The following JAKMIP1 variants were observed in gnomAD, a reference collection of about 807,000 sequenced individuals.
The protein encoded by JAKMIP1 is janus kinase and microtubule-interacting protein 1.
A neutral mutation model predicts 113.0 loss-of-function variants in JAKMIP1; 33 were observed. That is an observed-to-expected ratio of 0.29 (90% CI 0.22 to 0.39). The LOEUF (loss-of-function observed/expected upper bound fraction) is 0.39. Among genes scored for constraint, JAKMIP1 ranks in the 10% least tolerant of loss-of-function variants. The pLI is 1.00. For synonymous variants in JAKMIP1, 480 were observed against 459.9 expected, an observed-to-expected ratio of 1.04 and a Z score of -0.56; for missense variants, 813 against 1,080.5, an observed-to-expected ratio of 0.75 and a Z score of 3.47.
chr4:6,066,476 G>A (rs187704250), intron 8 of JAKMIP1, among the ~76,000 whole-genome samples: 67 of 152,172 alleles, frequency 4.4e-4, no homozygotes, highest in African/African-American at 1.5e-3. Flanking sequence ...TGGGGAATAC[G>A]ACTCTCCCCC....
At chr4:6,132,170 C>G (rs1286612932) in intron 1 of JAKMIP1, among the ~76,000 whole-genome samples, 1 of 152,108 alleles carries the variant, frequency 6.6e-6, no homozygotes, top group Admixed American at 6.6e-5. Flanking sequence ...AGAGACGAAA[C>G]GGGACTCATG....
chr4:6,059,212 G>T lies in JAKMIP1; in HGVS notation c.1644+1212C>A, dbSNP rs994524156. ...GGGCTGGGCACTCACATTCCCCCAC[G>T]CAGTCCATTGGTAAAGTCTGCTGTG... is the stretch of plus-strand genomic sequence containing the variant. On this transcript the variant is annotated intron_variant, in intron 11 of 20. Transcript: ENST00000409021. This position sits in a 1 kb window ranked among gnomAD's most constrained non-coding sequence, Gnocchi z 4.8. Among the ~76,000 whole-genome samples, 1 of 152,138 alleles carries T rather than the reference G, an allele frequency of 6.6e-6. No homozygotes were observed. The highest frequency in any genetic ancestry group is 1.5e-5 in the Non-Finnish European group (1 of 68,040).
At chr4:6,132,683 A>C (rs1718681232) in intron 1 of JAKMIP1, among the ~76,000 whole-genome samples, 1 of 152,086 alleles carries the variant, frequency 6.6e-6, no homozygotes, top group South Asian at 2.1e-4. Context: ...AAGGAGTAGA[A>C]GACAAAAATA....
At position 6,042,520 on chromosome 4, in the gene JAKMIP1, G is replaced by C. The variant is rs1481636497; in HGVS notation, c.2029-293C>G. On this transcript the variant is annotated intron_variant, in intron 16 of 20. Coordinates refer to ENST00000409021, the MANE Select transcript of JAKMIP1 (RefSeq NM_001099433.2). This position sits in a 1 kb window ranked among gnomAD's most constrained non-coding sequence, Gnocchi z 5.2. ...TGGGCGGCTGCGAGTGTGTGCAGCA[G>C]AGGAAGTGGTGTGGTATAGCTGATG... Among the ~76,000 whole-genome samples, 1 of 152,088 alleles carries C rather than the reference G, an allele frequency of 6.6e-6. No homozygotes were observed. The highest frequency in any genetic ancestry group is 2.4e-5 in the African/African-American group (1 of 41,384).
At chr4:6,170,006 C>CCACATTCCCATCACCACCACCACCACCAT (rs112509045) in intron 1 of JAKMIP1, among the ~76,000 whole-genome samples, 2 of 139,024 alleles carry the variant, frequency 1.4e-5, no homozygotes, top group Admixed American at 7.3e-5. Flanking sequence ...ACCACCACCA[C>CCACATTCCCATCACCACCACCACCACCAT]CACCCTCACC....
chr4:6,119,529 A>T (rs1190924017), intron 1 of JAKMIP1, among the ~76,000 whole-genome samples: 2 of 151,744 alleles, frequency 1.3e-5, no homozygotes, highest in Non-Finnish European at 2.9e-5. Flanking sequence ...GGACAACAAG[A>T]GCAAAACTCC....
chr4:6,132,306 C>G (rs1718615525), intron 1 of JAKMIP1, among the ~76,000 whole-genome samples: 1 of 152,092 alleles, frequency 6.6e-6, no homozygotes, highest in African/African-American at 2.4e-5. Context: ...AAAAAGTACA[C>G]TTGATATGTT....
intron 9 of JAKMIP1, among the ~76,000 whole-genome samples, chr4:6,062,868 C>T (rs1006633733): frequency 6.6e-6 from 1 of 152,226 alleles, no homozygotes; most frequent in Non-Finnish European, 1.5e-5. Flanking sequence ...AAGAGATGGC[C>T]GGGCATGGTG....
At chr4:6,056,237 C>T (rs1716433099) in intron 12 of JAKMIP1, among the ~76,000 whole-genome samples, 1 of 151,008 alleles carries the variant, frequency 6.6e-6, no homozygotes, top group Non-Finnish European at 1.5e-5. Context: ...AGAACCTGCC[C>T]TCCCCATTTC....
rs1336747754 is a variant in JAKMIP1, at chr4:6,097,748, G to C, written c.624+7725C>G. On this transcript the variant is annotated intron_variant, in intron 3 of 20. Coordinates refer to ENST00000409021, the MANE Select transcript of JAKMIP1 (RefSeq NM_001099433.2). This position sits in a 1 kb window ranked among gnomAD's most constrained non-coding sequence, Gnocchi z 4.3. ...GAAGCGTTCATTCTCATCATCATTT[G>C]ACAAATGGTGTGAGTCAACCATTCC... Among the ~76,000 whole-genome samples the C allele has an allele frequency of 6.6e-6, 1 of 152,152 alleles. No homozygotes were observed. The highest frequency in any genetic ancestry group is 1.9e-4 in the East Asian group (1 of 5,198).
Position 6,105,935 on chromosome 4 carries a change from C to T in JAKMIP1, c.162G>A (p.Ala54=), listed in dbSNP as rs1260346948. ...VGKLRERLQE[A]KLEREQEQRR... is the part of the protein sequence containing the mutation. ...GCTGCTCCTGCTCGCGCTCCAGCTT[C>T]GCCTCCTGCAGCCGCTCGCGCAGTT... Residue 54 remains alanine (A), a synonymous_variant, in exon 3 of 21, where the codon GCG becomes GCA. Transcript: ENST00000409021. 3 of 1,608,302 alleles carry T rather than the reference C, an allele frequency of 1.9e-6. No homozygotes were observed. Among genetic ancestry groups the T allele is most frequent in the African/African-American group, 2.7e-5 (2 of 74,864 alleles).
At chr4:6,152,957 G>A (rs1721787718) in intron 1 of JAKMIP1, among the ~76,000 whole-genome samples, 1 of 151,562 alleles carries the variant, frequency 6.6e-6, no homozygotes. Context: ...GGCAACAAGA[G>A]TGAGACTCCG....
At chr4:6,149,036 A>G (rs1192719060) in intron 1 of JAKMIP1, among the ~76,000 whole-genome samples, 2 of 152,076 alleles carry the variant, frequency 1.3e-5, no homozygotes, top group Admixed American at 1.3e-4. Flanking sequence ...GTTGAATTCC[A>G]AGAGGCCGTG....
At chr4:6,078,829 T>C in intron 8 of JAKMIP1, 110 bp downstream of exon 8, 1 of 931,532 alleles carries the variant, frequency 1.1e-6, no homozygotes, top group African/African-American at 1.6e-5. Flanking sequence ...CAGAGATGTG[T>C]GTGTCTGCTT....
In JAKMIP1 at chr4:6,180,126, C is replaced by T. The variant is rs1166534312; in HGVS notation, c.-148+20127G>A. On this transcript the variant is annotated intron_variant, in intron 1 of 20. Coordinates refer to ENST00000409021, the MANE Select transcript of JAKMIP1 (RefSeq NM_001099433.2). The surrounding 1 kb of genome is among the most constrained non-coding windows in gnomAD (Gnocchi z 4.5). Reference sequence around the variant, plus strand: ...AAAATTAAGTGCCACTGAATTAGCCCCAACACTTTCATAAACAGCAGTTTT... The same window carrying T: ...AAAATTAAGTGCCACTGAATTAGCCTCAACACTTTCATAAACAGCAGTTTT... Among the ~76,000 whole-genome samples, 1 of 152,108 alleles carries T rather than the reference C, an allele frequency of 6.6e-6. No homozygotes were observed. Among genetic ancestry groups the T allele is most frequent in the Non-Finnish European group, 1.5e-5 (1 of 68,016 alleles).
chr4:6,098,780 A>C (rs945470559), intron 3 of JAKMIP1, among the ~76,000 whole-genome samples: 1 of 152,136 alleles, frequency 6.6e-6, no homozygotes. Context: ...AGAAAGAAAG[A>C]AAGAAAGATT....
intron 3 of JAKMIP1, among the ~76,000 whole-genome samples, chr4:6,103,120 C>T (rs1713354360): frequency 6.6e-6 from 1 of 152,106 alleles, no homozygotes; most frequent in African/African-American, 2.4e-5. Context: ...TTCAATATTT[C>T]ATCATTATGT....
chr4:6,098,684 G>C, intron 3 of JAKMIP1, among the ~76,000 whole-genome samples: 1 of 7,272 alleles, frequency 1.4e-4, no homozygotes, highest in African/African-American at 2.2e-4. Context: ...AAGAAAGAAA[G>C]AAAGAAAGAA....
chr4:6,080,044 A>G lies in JAKMIP1; in HGVS notation c.1242+128T>C, dbSNP rs1287814140. 3 of 1,093,654 alleles carry G rather than the reference A, an allele frequency of 2.7e-6. No homozygotes were observed. The highest frequency in any genetic ancestry group is 3.2e-5 in the African/African-American group (2 of 62,992). The allele number at this position is 1,093,654 out of a possible 1,614,324, so 67.7% of individuals were successfully genotyped here. On this transcript the variant is annotated intron_variant, in intron 7 of 20. Transcript: ENST00000409021. This position sits in a 1 kb window ranked among gnomAD's most constrained non-coding sequence, Gnocchi z 6.0. ...ACCAGGGTGAGCTTGGTGAGTCCCAAAGTCAGCACTGCCTGACCCTGACCC... is the reference window on the plus strand; with the variant it reads ...ACCAGGGTGAGCTTGGTGAGTCCCAGAGTCAGCACTGCCTGACCCTGACCC...
Sources: allele counts gnomAD v4.1 joint callset (sites outside exome capture counted in the v4.1 genomes callset), GRCh38; gene constraint gnomAD v4.1.1; non-coding constraint Gnocchi (gnomAD v3.1); transcripts MANE v1.5; gene names NCBI Gene and HGNC (gene_info 2026-07-23, HGNC 2026-07-21).